YWHAG: variants seen among roughly 807,000 people sequenced by gnomAD.
YWHAG encodes the protein tyrosine 3-monooxygenase/tryptophan 5-monooxygenase activation protein gamma, also known as 14-3-3 protein gamma.
Under a neutral mutation model 23.3 loss-of-function variants are expected in YWHAG, and 1 was observed. The observed-to-expected ratio is 0.04, with a 90% CI of 0.02 to 0.20. The LOEUF (loss-of-function observed/expected upper bound fraction) is 0.20, where lower values mean the gene tolerates loss of function less well. YWHAG is among the 10% of genes least tolerant of loss of function. The probability of loss-of-function intolerance (pLI) is 1.00; values close to 1 mark genes in which losing one functional copy is unlikely to be tolerated. For synonymous variants in YWHAG, 160 were observed against 144.0 expected, an observed-to-expected ratio of 1.11 and a Z score of -0.80; for missense variants, 151 against 338.6, an observed-to-expected ratio of 0.45 and a Z score of 4.35.
chr7:76,331,588 T>C, intron 1 of YWHAG, among the ~76,000 whole-genome samples: 1 of 151,892 alleles, frequency 6.6e-6, no homozygotes, highest in South Asian at 2.1e-4. Context: ...ATTGTTAGTG[T>C]TAGTGTATTT....
chr7:76,342,756 T>A (rs1803716537), intron 1 of YWHAG, among the ~76,000 whole-genome samples: 1 of 152,116 alleles, frequency 6.6e-6, no homozygotes, highest in Non-Finnish European at 1.5e-5. Flanking sequence ...CTAGTGACTA[T>A]TTCTAATTAA....
Position 76,358,929 on chromosome 7 carries a change from G to A in YWHAG, c.-121C>T, listed in dbSNP as rs1804007755. ...CCGACCCACAGAGCGAGCAGCTGAG[G>A]CGGCGGCTGCGCGGAGGAGGCGGCT... On this transcript the variant is annotated 5_prime_UTR_variant, in exon 1 of 2. Transcript: ENST00000307630. 1 of 928,722 alleles carries A rather than the reference G, an allele frequency of 1.1e-6. No homozygotes were observed. Among genetic ancestry groups the A allele is most frequent in the Non-Finnish European group, 1.5e-6 (1 of 676,826 alleles). The allele number at this position is 928,722 out of a possible 1,614,324, so 57.5% of individuals were successfully genotyped here. A position where few individuals can be genotyped will look rare whatever the true frequency, so the allele number is the denominator to read the frequency against.
chr7:76,355,848 A>T (rs1281234186), intron 1 of YWHAG, among the ~76,000 whole-genome samples: 1 of 152,186 alleles, frequency 6.6e-6, no homozygotes, highest in Non-Finnish European at 1.5e-5. Context: ...TAAAATATTA[A>T]CTTCTCAAGA....
At chr7:76,349,112 G>A (rs1393761277) in intron 1 of YWHAG, among the ~76,000 whole-genome samples, 1 of 152,060 alleles carries the variant, frequency 6.6e-6, no homozygotes, top group East Asian at 1.9e-4. Flanking sequence ...GGAGGCCGAG[G>A]TAGGTGGATC....
intron 1 of YWHAG, among the ~76,000 whole-genome samples, chr7:76,332,890 G>A (rs1322921083): frequency 1.3e-5 from 2 of 152,238 alleles, no homozygotes; most frequent in Middle Eastern, 3.4e-3. Context: ...TTTTAGTAGA[G>A]ACAGCGTTTT....
At chr7:76,350,446 C>A (rs1004002157) in intron 1 of YWHAG, among the ~76,000 whole-genome samples, 3 of 152,204 alleles carry the variant, frequency 2.0e-5, no homozygotes, top group Admixed American at 1.3e-4. Flanking sequence ...CTGAAAGATA[C>A]CAGATACTCC....
intron 1 of YWHAG, among the ~76,000 whole-genome samples, chr7:76,352,739 T>G (rs1030190438): frequency 6.6e-6 from 1 of 151,966 alleles, no homozygotes; most frequent in African/African-American, 2.4e-5. Context: ...AACCTCTGCC[T>G]CTTGGGTTCA....
intron 1 of YWHAG, among the ~76,000 whole-genome samples, chr7:76,338,953 G>A (rs1803653300): frequency 6.6e-6 from 1 of 152,164 alleles, no homozygotes; most frequent in Admixed American, 6.5e-5. Context: ...GGTTGATTAG[G>A]TTGAATTTTG....
Position 76,358,948 on chromosome 7 carries a change from G to A in YWHAG, c.-140C>T. 1 of 750,508 alleles carries A rather than the reference G, an allele frequency of 1.3e-6. No individual in the cohort carries two copies. The highest frequency in any genetic ancestry group is 1.9e-6 in the Non-Finnish European group (1 of 520,258). 46.5% of individuals were successfully genotyped at this position (750,508 alleles called of 1,614,324 possible). ...GCTGAGGCGGCGGCTGCGCGGAGGA[G>A]GCGGCTGGAGCTGCGACCGCGGGAC... is the stretch of plus-strand genomic sequence containing the variant. On this transcript the variant is annotated 5_prime_UTR_variant, in exon 1 of 2. Transcript: ENST00000307630.
intron 1 of YWHAG, among the ~76,000 whole-genome samples, chr7:76,338,780 ACAATGCCAAGGCTTCATT>A (rs1803650607): frequency 1.3e-5 from 2 of 152,254 alleles, no homozygotes; most frequent in African/African-American, 2.4e-5. Context: ...TTCTCTGATC[ACAATGCCAAGGCTTCATT>A]GTGAAGGTGA....
intron 1 of YWHAG, among the ~76,000 whole-genome samples, chr7:76,354,784 AC>A (rs1803926672): frequency 6.6e-6 from 1 of 152,192 alleles, no homozygotes; most frequent in African/African-American, 2.4e-5. Flanking sequence ...AGGGCTGAAA[AC>A]GAGTCACTAG....
intron 1 of YWHAG, among the ~76,000 whole-genome samples, chr7:76,336,638 TAG>T (rs1327814423): frequency 6.6e-6 from 1 of 151,958 alleles, no homozygotes; most frequent in African/African-American, 2.4e-5. Flanking sequence ...GTATTTTTAG[TAG>T]AGACAGGGTT....
intron 1 of YWHAG, among the ~76,000 whole-genome samples, chr7:76,347,952 C>A (rs1034192152): frequency 6.6e-6 from 1 of 152,180 alleles, no homozygotes; most frequent in Non-Finnish European, 1.5e-5. Flanking sequence ...AAACACACTG[C>A]AATCGTGGGA....
At chr7:76,351,148 C>A (rs78134414) in intron 1 of YWHAG, among the ~76,000 whole-genome samples, 1 of 152,014 alleles carries the variant, frequency 6.6e-6, no homozygotes, top group African/African-American at 2.4e-5. Context: ...CATTTCCCCC[C>A]GAAATTTCTA....
intron 1 of YWHAG, among the ~76,000 whole-genome samples, chr7:76,351,186 G>T (rs1043810159): frequency 6.6e-6 from 1 of 152,102 alleles, no homozygotes; most frequent in East Asian, 1.9e-4. Flanking sequence ...CAACATTTTT[G>T]TCTTCAGTAG....
chr7:76,352,728 C>T (rs1803894589), intron 1 of YWHAG, among the ~76,000 whole-genome samples: 1 of 151,888 alleles, frequency 6.6e-6, no homozygotes, highest in Admixed American at 6.6e-5. Flanking sequence ...CAGCTCACTG[C>T]AACCTCTGCC....
chr7:76,334,071 A>G (rs1413987707), intron 1 of YWHAG, among the ~76,000 whole-genome samples: 4 of 152,206 alleles, frequency 2.6e-5, no homozygotes, highest in African/African-American at 9.6e-5. Flanking sequence ...CATTTGGAAC[A>G]CGCCCAGATG....
intron 1 of YWHAG, among the ~76,000 whole-genome samples, chr7:76,349,764 C>A (rs1408710772): frequency 1.3e-5 from 2 of 152,150 alleles, no homozygotes; most frequent in African/African-American, 4.8e-5. Context: ...AACATGCCTG[C>A]AGGTGGATCA....
rs1277782142 is a variant in YWHAG at position 76,329,538 on chromosome 7, G to A, written c.*39C>T. ...TCATGGGAAAAAAATAAAGACTGCA[G>A]TAGTAGCATCCGCGTGCGCTGCCAG... is the stretch of plus-strand genomic sequence containing the variant. On this transcript the variant is annotated 3_prime_UTR_variant, in exon 2 of 2. Transcript: ENST00000307630. This position sits in a 1 kb window ranked among gnomAD's most constrained non-coding sequence, Gnocchi z 6.1. 2 of 1,490,554 alleles carry A rather than the reference G, an allele frequency of 1.3e-6. No homozygotes were observed. The highest frequency in any genetic ancestry group is 1.4e-5 in the African/African-American group (1 of 71,442). 92.3% of individuals were successfully genotyped at this position (1,490,554 alleles called of 1,614,324 possible).
Sources: allele counts gnomAD v4.1 joint callset (sites outside exome capture counted in the v4.1 genomes callset), GRCh38; gene constraint gnomAD v4.1.1; non-coding constraint Gnocchi (gnomAD v3.1); transcripts MANE v1.5; gene names NCBI Gene and HGNC (gene_info 2026-07-23, HGNC 2026-07-21).